Variants in ZNF43 observed in about 807,000 individuals in gnomAD.
ZNF43 encodes zinc finger protein 39-like 1 (KOX 27).
In ZNF43, 44 loss-of-function variants were observed where a neutral mutation model predicts 68.4. The observed-to-expected ratio is 0.64, with a 90% CI of 0.51 to 0.83. The LOEUF is 0.83. Among genes scored for constraint, ZNF43 ranks in the 40% least tolerant of loss-of-function variants. The pLI is 0.00. For synonymous variants in ZNF43, 308 were observed against 307.8 expected (o/e 1.00, Z -0.01); for missense variants, 896 against 933.2 (o/e 0.96, Z 0.52).
chr19:21,833,565 C>G (rs2038530888), intron 1 of ZNF43, among the ~76,000 whole-genome samples: 1 of 151,860 alleles, frequency 6.6e-6, no homozygotes, highest in Non-Finnish European at 1.5e-5. Flanking sequence ...CCACTACACC[C>G]AGGCTGTGAC....
At position 21,809,016 on chromosome 19, in the gene ZNF43, G is replaced by A. The variant is rs755793153; in HGVS notation, c.1021C>T (p.Pro341Ser). The A allele has an allele frequency of 5.0e-6, 8 of 1,612,956 alleles. No individual in the cohort carries two copies. In the South Asian group the frequency reaches 8.8e-5, roughly 18 times the overall value. ...TTGCCACATTCTTCACATGTGTAGG[G>A]TTTCTCTCCAGTATGAATTCTCTTA... ...KHKRIHTGEK[P>S]YTCEECGKAF... Residue 341 changes from proline to serine, a missense_variant, in exon 4 of 4, where the codon CCC (proline) becomes TCC (serine). Physicochemically the swap from Pro to Ser is moderately conservative, Grantham distance 74. Transcript: ENST00000354959.
At chr19:21,839,978 G>A (rs1967404883), upstream of ZNF43, 1 of 152,206 alleles carries the variant, frequency 6.6e-6, no homozygotes, top group Non-Finnish European at 1.5e-5. Context: ...CCCAGTGATA[G>A]GTAACAATTC....
chr19:21,835,027 A>G (rs2038632565), intron 1 of ZNF43, among the ~76,000 whole-genome samples: 1 of 150,752 alleles, frequency 6.6e-6, no homozygotes, highest in African/African-American at 2.4e-5. Flanking sequence ...CGGGTGGATC[A>G]TCTGAGCTCA....
chr19:21,824,053 G>A (rs1214231007), intron 1 of ZNF43, among the ~76,000 whole-genome samples: 1 of 152,108 alleles, frequency 6.6e-6, no homozygotes, highest in Non-Finnish European at 1.5e-5. Flanking sequence ...GCCGGGCGTG[G>A]TGATGGGTGC....
upstream of ZNF43, chr19:21,836,337 A>AG (rs1243136420): frequency 9.4e-7 from 1 of 1,068,258 alleles, no homozygotes; most frequent in African/African-American, 1.6e-5. Flanking sequence ...GGCTGAAAGA[A>AG]GAAAGAATGA....
At chr19:21,849,320 C>T (rs981857899) in intron 1 of ZNF43, among the ~76,000 whole-genome samples, 3 of 151,724 alleles carry the variant, frequency 2.0e-5, no homozygotes, top group Non-Finnish European at 4.4e-5. Flanking sequence ...GAAACCCCGT[C>T]TCTACTCAAA....
intron 1 of ZNF43, among the ~76,000 whole-genome samples, chr19:21,847,833 T>G (rs773465383): frequency 2.4e-4 from 36 of 152,150 alleles, no homozygotes; most frequent in Non-Finnish European, 4.3e-4. Flanking sequence ...TAACAATTTC[T>G]TTTTTATTTT....
intron 1 of ZNF43, among the ~76,000 whole-genome samples, chr19:21,848,656 C>G (rs115580388): frequency 6.6e-6 from 1 of 152,148 alleles, no homozygotes; most frequent in African/African-American, 2.4e-5. Context: ...TGGGACCAGA[C>G]AGGAAACTGA....
chr19:21,846,656 A>G (rs561636373), intron 1 of ZNF43, among the ~76,000 whole-genome samples: 63 of 152,286 alleles, frequency 4.1e-4, no homozygotes, highest in African/African-American at 1.4e-3. Flanking sequence ...TGGGTTCACC[A>G]ATATTTCACA....
chr19:21,813,265 A>C (rs2037368193), intron 3 of ZNF43, among the ~76,000 whole-genome samples: 1 of 152,006 alleles, frequency 6.6e-6, no homozygotes, highest in African/African-American at 2.4e-5. Context: ...AAAAATTATA[A>C]ATGTTTCTCA....
upstream of ZNF43, among the ~76,000 whole-genome samples, chr19:21,837,415 C>CTTTTT (rs539940868): frequency 1.7e-4 from 14 of 83,984 alleles, no homozygotes; most frequent in African/African-American, 3.5e-4. Context: ...CCTACACTTA[C>CTTTTT]TTTTTTTTTT....
chr19:21,809,666 C>A lies in ZNF43; in HGVS notation c.371G>T (p.Cys124Phe), dbSNP rs756637120. 1 of 1,613,560 alleles carries A rather than the reference C, an allele frequency of 6.2e-7. No homozygotes were observed. Among genetic ancestry groups the A allele is most frequent in the Non-Finnish European group, 8.5e-7 (1 of 1,179,838 alleles). Residue 124 changes from cysteine to phenylalanine, a missense_variant, in exon 4 of 4, where the codon TGT becomes TTT. Physicochemically the swap from Cys to Phe is radical, Grantham distance 205. Transcript: ENST00000354959. ...ATTATAACCTCCTCTGTGCACCTTACACTCATCCACACTTTTATGGTCTTT... is the reference window on the plus strand; with the variant it reads ...ATTATAACCTCCTCTGTGCACCTTAAACTCATCCACACTTTTATGGTCTTT... ...LKKDHKSVDECKVHRGGYNGF... is the reference protein window; with the variant it reads ...LKKDHKSVDEFKVHRGGYNGF...
At chr19:21,835,599 C>T (rs2145350552) in intron 1 of ZNF43, among the ~76,000 whole-genome samples, 1 of 152,064 alleles carries the variant, frequency 6.6e-6, no homozygotes, top group East Asian at 2.0e-4. Context: ...TCGTCATCCA[C>T]CCACCTCGAC....
intron 1 of ZNF43, among the ~76,000 whole-genome samples, chr19:21,821,910 G>A (rs1444213661): frequency 6.6e-6 from 1 of 151,908 alleles, no homozygotes; most frequent in African/African-American, 2.4e-5. Context: ...GACATGTTTA[G>A]CTGAAAAAAA....
In ZNF43 at chr19:21,828,919, G is replaced by C. The variant is rs187373816; in HGVS notation, c.3+7117C>G. Among the ~76,000 whole-genome samples, 19 of 149,968 alleles carry C rather than the reference G, an allele frequency of 1.3e-4. No homozygotes were observed. The East Asian group carries it at 2.6e-3, about 20-fold the overall frequency. On this transcript the variant is annotated intron_variant, in intron 1 of 3. Coordinates refer to ENST00000354959, the MANE Select transcript of ZNF43 (RefSeq NM_003423.4). ...GCCCTGGCGGGCGCCTATACTCCCA[G>C]CTACTTGGGAGGCTGAGCCAGGAGA...
chr19:21,839,181 C>T (rs779202582), upstream of ZNF43, among the ~76,000 whole-genome samples: 2 of 150,978 alleles, frequency 1.3e-5, no homozygotes, highest in Admixed American at 6.6e-5. Context: ...AGGTTCTAGT[C>T]AAAAAAGGAG....
At chr19:21,828,534 G>C (rs2038250392) in intron 1 of ZNF43, among the ~76,000 whole-genome samples, 3 of 152,006 alleles carry the variant, frequency 2.0e-5, no homozygotes, top group Admixed American at 2.0e-4. Flanking sequence ...GACCAACATG[G>C]AGAAACCCTG....
chr19:21,820,830 ATTTTTTT>A (rs750258211), intron 1 of ZNF43, among the ~76,000 whole-genome samples: 1 of 128,786 alleles, frequency 7.8e-6, no homozygotes, highest in South Asian at 2.4e-4. Context: ...ATGTTCTGTA[ATTTTTTT>A]TTTTTTTTTT....
chr19:21,816,879 C>T (rs1568356947), intron 3 of ZNF43, among the ~76,000 whole-genome samples: 1 of 152,198 alleles, frequency 6.6e-6, no homozygotes, highest in Non-Finnish European at 1.5e-5. Flanking sequence ...ACCCAAGCCC[C>T]TTGTAACAAG....
Sources: allele counts gnomAD v4.1 joint callset (sites outside exome capture counted in the v4.1 genomes callset), GRCh38; gene constraint gnomAD v4.1.1; transcripts MANE v1.5; gene names NCBI Gene and HGNC (gene_info 2026-07-23, HGNC 2026-07-21).